The following CACNA1A variants were observed in gnomAD, a reference collection of about 807,000 sequenced individuals.
CACNA1A encodes the protein calcium voltage-gated channel subunit alpha1 A.
In CACNA1A, 57 loss-of-function variants were observed where a neutral mutation model predicts 262.4. The observed-to-expected ratio is 0.22, with a 90% CI of 0.18 to 0.27. The LOEUF is 0.27. Among genes scored for constraint, CACNA1A ranks in the 10% least tolerant of loss-of-function variants. The pLI is 1.00. For missense variants in CACNA1A, 2,526 were observed against 3,562.8 expected (o/e 0.71, Z 7.41); for synonymous variants, 1,431 against 1,419.3 (o/e 1.01, Z -0.18).
chr19:13,257,587 G>C, intron 27 of CACNA1A, 36 bp from the exon 28 acceptor site: 1 of 1,456,618 alleles, frequency 6.9e-7, no homozygotes, highest in Non-Finnish European at 9.4e-7. Flanking sequence ...GAAGGGGCAG[G>C]AAGGAGAGAG....
rs889041787 is a variant in CACNA1A, at chr19:13,466,790, A to AT, written c.294-11579dup. ...TAAATTCCGTGATGTGAAATTGCTG[A>AT]TTTTTTTTCCTCTGAGCCCTCAACC... is the stretch of plus-strand genomic sequence containing the variant. On this transcript the variant is annotated intron_variant, in intron 1 of 46. Coordinates refer to ENST00000360228, the MANE Select transcript of CACNA1A (RefSeq NM_001127222.2). Among the ~76,000 whole-genome samples, 7 of 151,710 alleles carry AT rather than the reference A, an allele frequency of 4.6e-5. No individual in the cohort carries two copies. The East Asian group carries it at 5.8e-4, about 13-fold the overall frequency.
chr19:13,377,681 C>T (rs1323059319), intron 3 of CACNA1A, among the ~76,000 whole-genome samples: 1 of 152,018 alleles, frequency 6.6e-6, no homozygotes, highest in Non-Finnish European at 1.5e-5. Context: ...CATTCTGTAG[C>T]CCATGGATCA....
At chr19:13,303,641 A>G in intron 16 of CACNA1A, 28 bp from the exon 17 acceptor site, 1 of 1,605,348 alleles carries the variant, frequency 6.2e-7, no homozygotes, top group Non-Finnish European at 8.5e-7. Context: ...AGGAAAAGCA[A>G]CCACTGGTGG....
At position 13,207,328 on chromosome 19, in the gene CACNA1A, G is replaced by C. The variant is rs1269668562; in HGVS notation, c.7506C>G (p.Asp2502Glu). The C allele has an allele frequency of 3.2e-6, 5 of 1,560,430 alleles. No individual in the cohort carries two copies. Among genetic ancestry groups the C allele is most frequent in the Admixed American group, 3.6e-5 (2 of 55,440 alleles). ...KGLHEPYSES[D>E]DDWC ...TCGCCCGGGCTTAGCACCAATCATC[G>C]TCACTCTCGCTGTAGGGTTCGTGCA... The change falls in exon 47 of 47, where the codon GAC becomes GAG. Residue 2502 changes from aspartate to glutamate, a missense_variant. Around this residue, in one of 17 missense-constraint regions of CACNA1A, gnomAD observed 929 missense variants for 868.1 expected, o/e 1.07. Coordinates refer to ENST00000360228, the MANE Select transcript of CACNA1A (RefSeq NM_001127222.2). The surrounding 1 kb of genome is among the most constrained non-coding windows in gnomAD (Gnocchi z 5.7).
chr19:13,341,295 T>C lies in CACNA1A; in HGVS notation c.979-5386A>G, dbSNP rs7253659. ...TCAGACCAAGTCTCAGGAGGCACCA[T>C]GGCCCAGCTGACATCTTGATGGTCT... On this transcript the variant is annotated intron_variant, in intron 6 of 46. Coordinates refer to ENST00000360228, the MANE Select transcript of CACNA1A (RefSeq NM_001127222.2). Among the ~76,000 whole-genome samples the C allele has an allele frequency of 1.6e-3, 238 of 152,146 alleles. 1 individual carries two copies. The highest frequency in any genetic ancestry group is 5.3e-3 in the African/African-American group (219 of 41,506).
In CACNA1A at chr19:13,298,582, C is replaced by G. The variant is rs2057719000; in HGVS notation, c.3051G>C (p.Ala1017=). Residue 1017 remains alanine, a synonymous_variant, in exon 19 of 47, where the codon GCG becomes GCC. Coordinates refer to ENST00000360228, the MANE Select transcript of CACNA1A (RefSeq NM_001127222.2). ...GCCTCCGCTCCTTGTCCTCCCTCCG[C>G]GCGTCCCCCTCGTACGTGGCTGGAG... The part of the protein sequence containing the change: ...HGAPATYEGD[A]RREDKERRHR... The G allele has an allele frequency of 1.9e-6, 3 of 1,542,780 alleles. No homozygotes were observed. The highest frequency in any genetic ancestry group is 2.6e-6 in the Non-Finnish European group (3 of 1,142,852).
intron 1 of CACNA1A, among the ~76,000 whole-genome samples, chr19:13,483,000 C>A (rs1040905929): frequency 6.6e-6 from 1 of 151,820 alleles, no homozygotes; most frequent in Non-Finnish European, 1.5e-5. Flanking sequence ...TAATTTGATT[C>A]TTAAGCTATC....
chr19:13,249,751 G>A (rs2056346751), intron 30 of CACNA1A, among the ~76,000 whole-genome samples: 1 of 152,184 alleles, frequency 6.6e-6, no homozygotes, highest in South Asian at 2.1e-4. Flanking sequence ...CTCTGCTGAG[G>A]TGGAGGGGGA....
chr19:13,260,332 ATTTT>A (rs1179189303), intron 26 of CACNA1A: 1 of 77,136 alleles, frequency 1.3e-5, no homozygotes, highest in Admixed American at 1.1e-4. Context: ...ATATATATAT[ATTTT>A]TGTTGTTGTT....
intron 3 of CACNA1A, among the ~76,000 whole-genome samples, chr19:13,393,908 C>A (rs2059765680): frequency 6.6e-6 from 1 of 151,360 alleles, no homozygotes; most frequent in African/African-American, 2.4e-5. Flanking sequence ...CTCTGCCTCC[C>A]AGATTCAAGT....
chr19:13,227,172 G>A lies in CACNA1A; in HGVS notation c.5625+259C>T, dbSNP rs552775245. 2.0e-4 allele frequency: 44 copies of A among 217,690 alleles called. No individual in the cohort carries two copies. The South Asian group carries it at 5.4e-3, about 27-fold the overall frequency. 13.5% of individuals were successfully genotyped at this position (217,690 alleles called of 1,614,324 possible). ...TGGGCGCTCCCCTCCCCCTCCCCCC[G>A]GCATGTCGGCCATAATGGAGTCTCA... On this transcript the variant is annotated intron_variant, in intron 37 of 46. Transcript: ENST00000360228.
rs1254539776 is a variant in CACNA1A at position 13,215,624 on chromosome 19, T to G, written c.5732-1016A>C. Among the ~76,000 whole-genome samples the G allele has an allele frequency of 3.3e-4, 49 of 148,172 alleles. 1 individual carries two copies. Among genetic ancestry groups the G allele is most frequent in the Admixed American group, 3.1e-3 (46 of 14,800 alleles). On this transcript the variant is annotated intron_variant, in intron 38 of 46. Transcript: ENST00000360228. ...CGTGAGCCACCGCGTCTGGCCTGTT[T>G]TTTTTTTTTTTTTGACAGAGTCTCT...
intron 1 of CACNA1A, among the ~76,000 whole-genome samples, chr19:13,505,332 C>A (rs1414284365): frequency 6.6e-6 from 1 of 152,150 alleles, no homozygotes; most frequent in South Asian, 2.1e-4. Flanking sequence ...GTACTCACTT[C>A]GGCCAGTGCT....
At chr19:13,402,804 A>G (rs1047998631) in intron 3 of CACNA1A, among the ~76,000 whole-genome samples, 2 of 121,566 alleles carry the variant, frequency 1.6e-5, no homozygotes, top group African/African-American at 3.7e-5. Flanking sequence ...ATACACACAT[A>G]TATATATACA....
intron 30 of CACNA1A, among the ~76,000 whole-genome samples, chr19:13,250,645 C>A (rs949023000): frequency 6.6e-6 from 1 of 152,118 alleles, no homozygotes. Flanking sequence ...ATCCACCCAC[C>A]TCTGTCTCCC....
At chr19:13,433,485 T>TAAAAAAAAAA in intron 3 of CACNA1A, among the ~76,000 whole-genome samples, 1 of 75,436 alleles carries the variant, frequency 1.3e-5, no homozygotes, top group Non-Finnish European at 2.6e-5. Context: ...AAAAAAAAAG[T>TAAAAAAAAAA]CAGCTGAAGA....
Position 13,506,130 on chromosome 19 carries a change from C to A in CACNA1A, c.95G>T (p.Gly32Val). 6.3e-7 allele frequency: 1 copy of A among 1,598,366 alleles called. No homozygotes were observed. The highest frequency in any genetic ancestry group is 8.5e-7 in the Non-Finnish European group (1 of 1,172,888). Residue 32 changes from glycine (G) to valine (V), a missense_variant, in exon 1 of 47, where the codon GGA (glycine) becomes GTA (valine). This residue lies in a region of CACNA1A where 65 missense variants were observed against 75.6 expected (regional missense o/e 0.86). Coordinates refer to ENST00000360228, the MANE Select transcript of CACNA1A (RefSeq NM_001127222.2). ...GVVVGSGGGR[G>V]AGGSRQGGQP... The stretch of plus-strand genomic sequence containing the variant: ...CCCGCCCTGCCGGCTGCCCCCGGCT[C>A]CTCGCCCGCCTCCGCTGCCCACGAC...
chr19:13,208,109 G>C (rs2054635198), intron 46 of CACNA1A, 56 bp from the exon 47 acceptor site: 3 of 1,043,474 alleles, frequency 2.9e-6, no homozygotes, highest in Non-Finnish European at 3.5e-6. Flanking sequence ...AAAATCAAAG[G>C]AGACACGGGA....
intron 19 of CACNA1A, among the ~76,000 whole-genome samples, chr19:13,288,859 TCTC>T (rs1475493449): frequency 2.0e-5 from 3 of 152,190 alleles, no homozygotes; most frequent in Admixed American, 1.3e-4. Flanking sequence ...CCAGCACCAT[TCTC>T]CTCATTTTAT....
Sources: gnomAD v4.1 joint callset for allele counts (sites outside exome capture counted in the v4.1 genomes callset) on GRCh38, gnomAD v4.1.1 for gene constraint, gnomAD v4.1.1 regional missense constraint, Gnocchi (gnomAD v3.1) non-coding constraint, MANE v1.5 for transcripts, NCBI Gene and HGNC (gene_info 2026-07-23, HGNC 2026-07-21) for gene names.